Variants in NUCKS1 observed in about 807,000 individuals in gnomAD.
NUCKS1 encodes nuclear ubiquitous casein and cyclin-dependent kinase substrate 1.
NUCKS1 carries 2 observed loss-of-function variants against 33.0 expected under a neutral mutation model. The observed-to-expected ratio is 0.06, with a 90% CI of 0.02 to 0.19. The LOEUF is 0.19. NUCKS1 is among the 10% of genes least tolerant of loss of function. The pLI is 1.00. For missense variants in NUCKS1, 201 were observed against 293.6 expected (o/e 0.68, Z 2.31); for synonymous variants, 106 against 102.8 (o/e 1.03, Z -0.19).
Position 205,741,297 on chromosome 1 carries a change from C to CAA in NUCKS1, c.17+8658_17+8659dup, listed in dbSNP as rs56979923. The stretch of plus-strand genomic sequence containing the variant: ...CCTGGGCGACAGAGCGAGACTGTCT[C>CAA]AAAAAAAAAAAAAAAAAAAAAAGAA... On this transcript the variant is annotated intron_variant, in intron 1 of 6. Coordinates refer to ENST00000367142, the MANE Select transcript of NUCKS1 (RefSeq NM_022731.5). Among the ~76,000 whole-genome samples the CAA allele has an allele frequency of 2.9e-3, 226 of 78,880 alleles. 3 individuals are homozygous for CAA. The highest frequency in any genetic ancestry group is 4.2e-3 in the African/African-American group (84 of 20,054). 51.7% of individuals were successfully genotyped at this position (78,880 alleles called of 152,430 possible). A position where few individuals can be genotyped will look rare whatever the true frequency, so the allele number is the denominator to read the frequency against.
chr1:205,724,024 T>G (rs1372976436), intron 3 of NUCKS1, 43 bp from the exon 4 acceptor site: 1 of 1,399,626 alleles, frequency 7.1e-7, no homozygotes, highest in East Asian at 2.3e-5. Flanking sequence ...AAGTCTTAGC[T>G]CAAAATCTAA....
At chr1:205,730,092 C>T (rs187988229) in intron 1 of NUCKS1, among the ~76,000 whole-genome samples, 23 of 152,120 alleles carry the variant, frequency 1.5e-4, no homozygotes, top group African/African-American at 4.8e-4. Flanking sequence ...GTCACTCTGT[C>T]GCCTAGGCTG....
chr1:205,713,102 AAGTC>A lies in NUCKS1; in HGVS notation c.*5174_*5177del, dbSNP rs754103349. 5.3e-5 allele frequency: 8 copies of A among 152,182 alleles called. No homozygotes were observed. The highest frequency in any genetic ancestry group is 7.3e-5 in the Non-Finnish European group (5 of 68,034). The allele number at this position is 152,182 out of a possible 1,614,324, so 9.4% of individuals were successfully genotyped here. On this transcript the variant is annotated 3_prime_UTR_variant, in exon 7 of 7. Coordinates refer to ENST00000367142, the MANE Select transcript of NUCKS1 (RefSeq NM_022731.5). ...TTTATTAGGGAAATAAGTTCCCACA[AAGTC>A]AGGCTGAACTGGGAGCTGATTAACA...
chr1:205,713,618 A>T lies in NUCKS1; in HGVS notation c.*4662T>A, dbSNP rs945391480. On this transcript the variant is annotated 3_prime_UTR_variant, in exon 7 of 7. Transcript: ENST00000367142. Reference sequence around the variant, plus strand: ...ATCATGTTCACTTCAACCCCATTTCATTTAAATTAAAGAAAAAAACCTTTT... The same window carrying T: ...ATCATGTTCACTTCAACCCCATTTCTTTTAAATTAAAGAAAAAAACCTTTT... 6.6e-6 allele frequency: 1 copy of T among 152,330 alleles called. No individual in the cohort carries two copies. The highest frequency in any genetic ancestry group is 3.4e-3 in the Middle Eastern group (1 of 294). 9.4% of individuals were successfully genotyped at this position (152,330 alleles called of 1,614,324 possible).
At chr1:205,743,030 C>CT (rs541522248) in intron 1 of NUCKS1, among the ~76,000 whole-genome samples, 29 of 152,186 alleles carry the variant, frequency 1.9e-4, no homozygotes, top group African/African-American at 7.0e-4. Flanking sequence ...ATGCTCAATA[C>CT]TTTTTAAGTT....
chr1:205,744,502 A>G (rs1654262877), intron 1 of NUCKS1, among the ~76,000 whole-genome samples: 1 of 152,062 alleles, frequency 6.6e-6, no homozygotes, highest in Admixed American at 6.6e-5. Flanking sequence ...CAATCCACCA[A>G]CCCACAATTT....
chr1:205,724,905 A>G (rs1316087840), intron 3 of NUCKS1, among the ~76,000 whole-genome samples: 1 of 152,236 alleles, frequency 6.6e-6, no homozygotes, highest in Non-Finnish European at 1.5e-5. Context: ...ATCACTCCAC[A>G]AAGTAAAATA....
intron 1 of NUCKS1, among the ~76,000 whole-genome samples, chr1:205,738,314 C>T (rs904680086): frequency 6.6e-6 from 1 of 152,052 alleles, no homozygotes; most frequent in African/African-American, 2.4e-5. Flanking sequence ...AGGCATGAGC[C>T]ACCATGCCCA....
rs201127929 is a variant in NUCKS1 at position 205,722,080 on chromosome 1, AT to A, written c.230-1428del. Among the ~76,000 whole-genome samples, 276 of 148,002 alleles carry A rather than the reference AT, an allele frequency of 1.9e-3. 2 individuals are homozygous for A. The highest frequency in any genetic ancestry group is 3.5e-3 in the Middle Eastern group (1 of 284). ...CTTAGAGTCTATTAATGAAAAAAAA[AT>A]TTTTTTTTTTTTAATTTGGAGTCTC... On this transcript the variant is annotated intron_variant, in intron 4 of 6. Coordinates refer to ENST00000367142, the MANE Select transcript of NUCKS1 (RefSeq NM_022731.5).
rs1653813671 is a variant in NUCKS1, at chr1:205,727,714, A to G, written c.159T>C (p.Asn53=). Residue 53 remains asparagine, a synonymous_variant, in exon 3 of 7, where the codon AAT becomes AAC. Transcript: ENST00000367142. ...EAKNKRRSGK[N]SQEDSEDSED... ...ATGCCTCTTACCTATCTTCCTGTGA[A>G]TTCTTTCCAGATCGCCTCTTATTTT... The G allele has an allele frequency of 6.2e-7, 1 of 1,612,384 alleles. No homozygotes were observed. The highest frequency in any genetic ancestry group is 1.3e-5 in the African/African-American group (1 of 74,852).
chr1:205,735,549 A>G (rs1654013357), intron 1 of NUCKS1, among the ~76,000 whole-genome samples: 1 of 152,218 alleles, frequency 6.6e-6, no homozygotes, highest in Admixed American at 6.5e-5. Flanking sequence ...AATATAGCAG[A>G]GAGGTTAAAA....
chr1:205,744,363 T>C (rs1476272887), intron 1 of NUCKS1, among the ~76,000 whole-genome samples: 2 of 152,076 alleles, frequency 1.3e-5, no homozygotes, highest in Non-Finnish European at 2.9e-5. Context: ...CCTTTAAGAG[T>C]TGTGCATGAT....
At chr1:205,726,891 A>T (rs1263696844) in intron 3 of NUCKS1, among the ~76,000 whole-genome samples, 1 of 152,194 alleles carries the variant, frequency 6.6e-6, no homozygotes, top group Non-Finnish European at 1.5e-5. Context: ...AAGTGTAACA[A>T]GTTCATGTTA....
At chr1:205,743,201 C>A (rs542753106) in intron 1 of NUCKS1, among the ~76,000 whole-genome samples, 2 of 152,132 alleles carry the variant, frequency 1.3e-5, no homozygotes, top group African/African-American at 2.4e-5. Flanking sequence ...ACCCCAAAAA[C>A]CAAAAACTTT....
intron 1 of NUCKS1, among the ~76,000 whole-genome samples, chr1:205,743,750 C>T (rs1448331429): frequency 6.6e-6 from 1 of 152,172 alleles, no homozygotes; most frequent in African/African-American, 2.4e-5. Flanking sequence ...TGTAACACAA[C>T]ATTATTAAAA....
At chr1:205,744,760 G>A (rs937229745) in intron 1 of NUCKS1, among the ~76,000 whole-genome samples, 1 of 149,572 alleles carries the variant, frequency 6.7e-6, no homozygotes, top group African/African-American at 2.5e-5. Flanking sequence ...AGCCTCCTAA[G>A]TAGCTGAGAT....
intron 1 of NUCKS1, among the ~76,000 whole-genome samples, chr1:205,748,752 T>C (rs567580802): frequency 5.4e-4 from 83 of 152,330 alleles, no homozygotes; most frequent in Non-Finnish European, 1.6e-4. Context: ...TTAAAGGTAC[T>C]TCCGTTTCCC....
chr1:205,744,990 A>G (rs1448785907), intron 1 of NUCKS1, among the ~76,000 whole-genome samples: 6 of 152,306 alleles, frequency 3.9e-5, no homozygotes, highest in South Asian at 2.1e-4. Flanking sequence ...TAGTGATGGT[A>G]CATTACTATA....
chr1:205,729,863 A>G (rs1653865078), intron 1 of NUCKS1, among the ~76,000 whole-genome samples: 1 of 151,980 alleles, frequency 6.6e-6, no homozygotes, highest in South Asian at 2.1e-4. Flanking sequence ...CTCTACTAAA[A>G]ACACAAAATT....
Sources: gnomAD v4.1 joint callset for allele counts (sites outside exome capture counted in the v4.1 genomes callset) on GRCh38, gnomAD v4.1.1 for gene constraint, MANE v1.5 for transcripts, NCBI Gene and HGNC (gene_info 2026-07-23, HGNC 2026-07-21) for gene names.